The following RBFOX2 variants were observed in gnomAD, a reference collection of about 807,000 sequenced individuals.
The protein encoded by RBFOX2 is RNA binding fox-1 homolog 2, also known as RNA binding protein fox-1 homolog 2.
RBFOX2 carries 10 observed loss-of-function variants against 49.1 expected under a neutral mutation model. The observed-to-expected ratio is 0.20, with a 90% CI of 0.13 to 0.35. The LOEUF (loss-of-function observed/expected upper bound fraction) is 0.35. RBFOX2 is among the 10% of genes least tolerant of loss of function. The probability of loss-of-function intolerance (pLI) is 1.00; values close to 1 mark genes in which losing one functional copy is unlikely to be tolerated. For missense variants in RBFOX2, 323 were observed against 486.9 expected (o/e 0.66, Z 3.17); for synonymous variants, 183 against 187.4 (o/e 0.98, Z 0.19).
intron 1 of RBFOX2, among the ~76,000 whole-genome samples, chr22:35,938,478 C>G (rs2053345527): frequency 6.6e-6 from 1 of 152,100 alleles, no homozygotes; most frequent in Non-Finnish European, 1.5e-5. Context: ...TACAAGGACT[C>G]AAAAACTCTG....
chr22:35,996,232 T>A (rs118039646), intron 1 of RBFOX2: 1 of 152,124 alleles, frequency 6.6e-6, no homozygotes, highest in South Asian at 2.1e-4. Flanking sequence ...CAATCTACTA[T>A]GGGGGATACC....
At chr22:35,847,607 G>C (rs913208881) in intron 1 of RBFOX2, among the ~76,000 whole-genome samples, 6 of 151,908 alleles carry the variant, frequency 3.9e-5, no homozygotes, top group Admixed American at 1.3e-4. Flanking sequence ...CTTTAAAAAA[G>C]TAATAAATAA....
chr22:35,849,296 C>A (rs991818113), intron 1 of RBFOX2, among the ~76,000 whole-genome samples: 40 of 114,492 alleles, frequency 3.5e-4, no homozygotes, highest in Non-Finnish European at 4.0e-4. Flanking sequence ...CATACACACA[C>A]AAACACACAC....
At chr22:35,974,731 C>A (rs2057058791) in intron 1 of RBFOX2, among the ~76,000 whole-genome samples, 1 of 152,064 alleles carries the variant, frequency 6.6e-6, no homozygotes, top group Non-Finnish European at 1.5e-5. Flanking sequence ...TAGAGCTCTA[C>A]AGAAAGACGC....
chr22:35,749,795 G>A lies in RBFOX2; in HGVS notation c.888-3234C>T, dbSNP rs971108609. Among the ~76,000 whole-genome samples the A allele has an allele frequency of 6.6e-6, 1 of 152,178 alleles. No individual in the cohort carries two copies. Among genetic ancestry groups the A allele is most frequent in the African/African-American group, 2.4e-5 (1 of 41,430 alleles). Reference sequence around the variant, plus strand: ...TTTTCAAAAAGAACAAGGGTGGGAAGGAGGTAGAAGAGACAGGGTTCAGGC... The same window carrying A: ...TTTTCAAAAAGAACAAGGGTGGGAAAGAGGTAGAAGAGACAGGGTTCAGGC... On this transcript the variant is annotated intron_variant, in intron 9 of 11. Coordinates refer to ENST00000405409, the Ensembl canonical transcript of RBFOX2. This position sits in a 1 kb window ranked among gnomAD's most constrained non-coding sequence, Gnocchi z 4.1.
chr22:35,851,548 C>T (rs577975733), intron 1 of RBFOX2, among the ~76,000 whole-genome samples: 12 of 152,094 alleles, frequency 7.9e-5, no homozygotes, highest in Non-Finnish European at 1.5e-4. Context: ...TACTCTTGGC[C>T]GGGTGGTGTG....
exon 12 of RBFOX2, chr22:35,743,864 C>T (rs1931112707): frequency 1.3e-5 from 3 of 232,792 alleles, no homozygotes; most frequent in Non-Finnish European, 2.5e-5. Flanking sequence ...CTCCTTCCTC[C>T]TTGACTGCCT....
At chr22:35,779,349 T>A (rs1237212925) in intron 3 of RBFOX2, among the ~76,000 whole-genome samples, 1 of 152,128 alleles carries the variant, frequency 6.6e-6, no homozygotes. Context: ...AACCAGACTT[T>A]GGGAAATGTG....
intron 1 of RBFOX2, among the ~76,000 whole-genome samples, chr22:36,025,609 T>A (rs552806132): frequency 2.0e-5 from 3 of 152,344 alleles, no homozygotes; most frequent in Middle Eastern, 3.4e-3. Context: ...AGTATATTCA[T>A]GTAATACTCT....
chr22:35,890,289 T>C (rs1490346592), intron 1 of RBFOX2, among the ~76,000 whole-genome samples: 4 of 152,146 alleles, frequency 2.6e-5, no homozygotes, highest in Admixed American at 6.5e-5. Flanking sequence ...ACAGGTAGTG[T>C]CCCTCATCTG....
intron 1 of RBFOX2, among the ~76,000 whole-genome samples, chr22:35,872,455 T>C (rs2044477234): frequency 6.6e-6 from 1 of 152,212 alleles, no homozygotes; most frequent in African/African-American, 2.4e-5. Context: ...TCCCGGGTTC[T>C]TGCTTTGGTG....
chr22:35,916,631 C>A (rs773376981), intron 1 of RBFOX2, among the ~76,000 whole-genome samples: 11 of 152,156 alleles, frequency 7.2e-5, no homozygotes, highest in Non-Finnish European at 1.6e-4. Flanking sequence ...CGTGGTAGCT[C>A]ATGCCTGTAA....
intron 1 of RBFOX2, among the ~76,000 whole-genome samples, chr22:35,902,738 G>A (rs1030306692): frequency 2.0e-5 from 3 of 151,414 alleles, no homozygotes; most frequent in South Asian, 2.1e-4. Flanking sequence ...TTGACCTCCC[G>A]GGCTCAAACT....
At chr22:35,880,931 G>A (rs554506179) in intron 1 of RBFOX2, among the ~76,000 whole-genome samples, 1 of 152,310 alleles carries the variant, frequency 6.6e-6, no homozygotes, top group South Asian at 2.1e-4. Flanking sequence ...ATTCAAATGT[G>A]ATTGATGGTT....
At chr22:35,850,188 T>TTACA (rs1298867333) in intron 1 of RBFOX2, among the ~76,000 whole-genome samples, 1 of 90,046 alleles carries the variant, frequency 1.1e-5, no homozygotes, top group Middle Eastern at 5.2e-3. Flanking sequence ...TCTGTCTCTC[T>TTACA]CTCATACACA....
intron 1 of RBFOX2, among the ~76,000 whole-genome samples, chr22:35,817,403 G>A (rs1422605063): frequency 6.6e-6 from 1 of 151,984 alleles, no homozygotes; most frequent in Non-Finnish European, 1.5e-5. Context: ...CTTGAACATC[G>A]GAGGCAGAGG....
chr22:35,930,622 G>C (rs181149831), intron 1 of RBFOX2, among the ~76,000 whole-genome samples: 12 of 151,982 alleles, frequency 7.9e-5, no homozygotes, highest in Admixed American at 7.2e-4. Flanking sequence ...TTGAGGTCAG[G>C]AGTTCGAGAT....
chr22:35,799,907 C>T (rs1949469146), intron 2 of RBFOX2, among the ~76,000 whole-genome samples: 2 of 152,026 alleles, frequency 1.3e-5, no homozygotes, highest in African/African-American at 4.8e-5. Flanking sequence ...TGAGCTGAGA[C>T]CATGCCACTG....
At chr22:35,981,312 C>A (rs5756029) in intron 1 of RBFOX2, among the ~76,000 whole-genome samples, 17 of 152,124 alleles carry the variant, frequency 1.1e-4, no homozygotes, top group African/African-American at 3.9e-4. Flanking sequence ...CACCTTTTCC[C>A]TAGATACTCA....
Sources: allele counts gnomAD v4.1 joint callset (sites outside exome capture counted in the v4.1 genomes callset), GRCh38; gene constraint gnomAD v4.1.1; non-coding constraint Gnocchi (gnomAD v3.1); transcripts MANE v1.5; gene names NCBI Gene and HGNC (gene_info 2026-07-23, HGNC 2026-07-21).